BORCS5: variants seen among roughly 807,000 people sequenced by gnomAD.
BORCS5 encodes BLOC-1 related complex subunit 5.
BORCS5 carries 17 observed loss-of-function variants against 22.1 expected under a neutral mutation model. The observed-to-expected ratio is 0.77, with a 90% CI of 0.53 to 1.15. BORCS5 has a LOEUF of 1.15. Ranked by LOEUF, BORCS5 falls within the 50% of genes most tolerant of loss-of-function variation. The pLI, the probability that BORCS5 is intolerant of heterozygous loss-of-function variation, is 0.00. For synonymous variants in BORCS5, 117 were observed against 99.8 expected, an observed-to-expected ratio of 1.17 and a Z score of -1.03; for missense variants, 247 against 253.2, an observed-to-expected ratio of 0.98 and a Z score of 0.17.
intron 3 of BORCS5, among the ~76,000 whole-genome samples, chr12:12,453,049 A>G (rs1942940667): frequency 6.6e-6 from 1 of 152,224 alleles, no homozygotes; most frequent in Non-Finnish European, 1.5e-5. Flanking sequence ...TAGCCGATGT[A>G]TAAAAACACA....
chr12:12,465,752 G>C lies in BORCS5; in HGVS notation c.567G>C (p.Lys189Asn). ...AGCGGCTGGAGCCCTTCAGCATGAA[G>C]CCCGACCGCGAGCTCAGGCTGTAGC... ...EGERLEPFSMKPDRELRL is the reference protein window; with the variant it reads ...EGERLEPFSMNPDRELRL The change falls in exon 4 of 4, where the codon AAG becomes AAC. Residue 189 changes from lysine to asparagine, a missense_variant. Transcript: ENST00000314565. 6.2e-7 allele frequency: 1 copy of C among 1,613,336 alleles called. No homozygotes were observed. The highest frequency in any genetic ancestry group is 1.7e-4 in the Middle Eastern group (1 of 6,052).
chr12:12,414,459 G>T lies in BORCS5; in HGVS notation c.203-21169G>T, dbSNP rs1239730139. Among the ~76,000 whole-genome samples the T allele has an allele frequency of 4.4e-5, 4 of 91,458 alleles. No homozygotes were observed. In the East Asian group the frequency reaches 1.1e-3, roughly 25 times the overall value. The allele number at this position is 91,458 out of a possible 152,430, so 60.0% of individuals were successfully genotyped here. A position where few individuals can be genotyped will look rare whatever the true frequency, so the allele number is the denominator to read the frequency against. ...TGACCCCCCCACCTCCCTCCCGGACGGGGCGGCTGGCTGGGCAGAGGGGCT... is the reference window on the plus strand; with the variant it reads ...TGACCCCCCCACCTCCCTCCCGGACTGGGCGGCTGGCTGGGCAGAGGGGCT... On this transcript the variant is annotated intron_variant, in intron 2 of 3. Coordinates refer to ENST00000314565, the MANE Select transcript of BORCS5 (RefSeq NM_058169.6).
chr12:12,403,477 T>TG (rs903596925), intron 2 of BORCS5, among the ~76,000 whole-genome samples: 3 of 152,090 alleles, frequency 2.0e-5, no homozygotes, highest in Non-Finnish European at 2.9e-5. Flanking sequence ...TAGTCCGCTG[T>TG]GGGGGGCACC....
At chr12:12,452,228 T>C in intron 3 of BORCS5, 1 of 703,308 alleles carries the variant, frequency 1.4e-6, no homozygotes, top group Non-Finnish European at 2.5e-6. Context: ...AAGCTCCCCC[T>C]CAGCCAGCCT....
intron 2 of BORCS5, among the ~76,000 whole-genome samples, chr12:12,365,377 A>G (rs1369019358): frequency 3.4e-5 from 5 of 149,044 alleles, no homozygotes; most frequent in Non-Finnish European, 7.4e-5. Context: ...ACAGGGTTTC[A>G]CTATGTTGCC....
At chr12:12,419,987 C>T (rs1238085970) in intron 2 of BORCS5, among the ~76,000 whole-genome samples, 6 of 152,090 alleles carry the variant, frequency 3.9e-5, no homozygotes, top group East Asian at 1.9e-4. Context: ...TTCTCCCATT[C>T]TGTAGGTTGC....
At chr12:12,366,359 G>A (rs1281856260) in intron 2 of BORCS5, among the ~76,000 whole-genome samples, 1 of 152,190 alleles carries the variant, frequency 6.6e-6, no homozygotes, top group Non-Finnish European at 1.5e-5. Context: ...TATGACTGAG[G>A]TAATGTTTGC....
intron 3 of BORCS5, among the ~76,000 whole-genome samples, chr12:12,437,150 G>T (rs989633845): frequency 6.6e-6 from 1 of 152,152 alleles, no homozygotes; most frequent in African/African-American, 2.4e-5. Context: ...TCATGGGAGG[G>T]ACCCAGTGGG....
chr12:12,363,527 A>G (rs957809955), intron 2 of BORCS5, among the ~76,000 whole-genome samples: 1 of 152,168 alleles, frequency 6.6e-6, no homozygotes, highest in African/African-American at 2.4e-5. Context: ...TGAGGTCAGG[A>G]GATCGAGACC....
Position 12,357,402 on chromosome 12 carries a change from G to C in BORCS5, c.-50G>C, listed in dbSNP as rs1863165816. 1 of 1,589,454 alleles carries C rather than the reference G, an allele frequency of 6.3e-7. No individual in the cohort carries two copies. The highest frequency in any genetic ancestry group is 8.6e-7 in the Non-Finnish European group (1 of 1,164,002). On this transcript the variant is annotated 5_prime_UTR_variant, in exon 1 of 4. Transcript: ENST00000314565. ...CCCTGCCCTGTCGCCCGCCGCCGGA[G>C]CGGTGACCGCCCGGCCCGCCGTTCT...
chr12:12,400,645 A>G (rs187169072), intron 2 of BORCS5, among the ~76,000 whole-genome samples: 100 of 152,116 alleles, frequency 6.6e-4, no homozygotes, highest in Admixed American at 6.3e-3. Flanking sequence ...TCATATTTTA[A>G]TATTTTGCCA....
chr12:12,397,329 G>C (rs758017831), intron 2 of BORCS5, among the ~76,000 whole-genome samples: 1 of 152,190 alleles, frequency 6.6e-6, no homozygotes, highest in Non-Finnish European at 1.5e-5. Context: ...CCAGGAACAT[G>C]CTCAAGTTGT....
intron 2 of BORCS5, among the ~76,000 whole-genome samples, chr12:12,362,978 T>A (rs911431392): frequency 6.6e-6 from 1 of 151,936 alleles, no homozygotes; most frequent in African/African-American, 2.4e-5. Context: ...TTCATGATTT[T>A]GAGGAATAAT....
intron 1 of BORCS5, among the ~76,000 whole-genome samples, chr12:12,358,143 T>G (rs965377827): frequency 6.6e-6 from 1 of 152,202 alleles, no homozygotes; most frequent in Non-Finnish European, 1.5e-5. Flanking sequence ...CAGTGAGTGT[T>G]CAATAAATAG....
Position 12,384,483 on chromosome 12 carries a change from G to A in BORCS5, c.202+23134G>A, listed in dbSNP as rs73279381. Among the ~76,000 whole-genome samples the A allele has an allele frequency of 9.4e-3, 1,397 of 148,990 alleles. 53 individuals are homozygous for A. Among genetic ancestry groups the A allele is most frequent in the African/African-American group, 0.033 (1,331 of 40,418 alleles). ...TTGACTGCATTTTTTTCTTGAGTACGAGTCACACTCCTGTTTCTTTGTAGG... is the reference window on the plus strand; with the variant it reads ...TTGACTGCATTTTTTTCTTGAGTACAAGTCACACTCCTGTTTCTTTGTAGG... On this transcript the variant is annotated intron_variant, in intron 2 of 3. Transcript: ENST00000314565.
intron 1 of BORCS5, among the ~76,000 whole-genome samples, chr12:12,359,724 A>C (rs1336071602): frequency 1.3e-5 from 2 of 151,024 alleles, no homozygotes; most frequent in African/African-American, 4.9e-5. Flanking sequence ...TAGGCCAGTC[A>C]TTCGGGGGTT....
chr12:12,448,793 C>T (rs1942843122), intron 3 of BORCS5, among the ~76,000 whole-genome samples: 1 of 152,232 alleles, frequency 6.6e-6, no homozygotes, highest in Admixed American at 6.5e-5. Flanking sequence ...TCCCAAAGTG[C>T]TGGGATTACA....
chr12:12,433,663 T>C (rs944153623), intron 2 of BORCS5, among the ~76,000 whole-genome samples: 5 of 152,220 alleles, frequency 3.3e-5, no homozygotes, highest in African/African-American at 1.2e-4. Context: ...CAATTTCTGC[T>C]AATACTGGAT....
At chr12:12,375,926 T>TC (rs1365271258) in intron 2 of BORCS5, among the ~76,000 whole-genome samples, 14 of 151,966 alleles carry the variant, frequency 9.2e-5, no homozygotes, top group Admixed American at 5.9e-4. Flanking sequence ...TGCCTCAGCC[T>TC]CCCGAGTAGC....
Sources: allele counts gnomAD v4.1 joint callset (sites outside exome capture counted in the v4.1 genomes callset), GRCh38; gene constraint gnomAD v4.1.1; transcripts MANE v1.5; gene names NCBI Gene and HGNC (gene_info 2026-07-23, HGNC 2026-07-21).